The following SLC35F1 variants were observed in gnomAD, a reference collection of about 807,000 sequenced individuals.
The protein encoded by SLC35F1 is solute carrier family 35 member F1.
Under a neutral mutation model 48.7 loss-of-function variants are expected in SLC35F1, and 14 were observed. The ratio of observed to expected loss-of-function variants is 0.29; its 90% CI spans 0.19 to 0.45. The LOEUF is 0.45. Among genes scored for constraint, SLC35F1 ranks in the 20% least tolerant of loss-of-function variants. The pLI is 1.00. For missense variants in SLC35F1, 404 were observed against 500.0 expected (o/e 0.81, Z 1.83); for synonymous variants, 190 against 202.2 (o/e 0.94, Z 0.51).
intron 1 of SLC35F1, among the ~76,000 whole-genome samples, chr6:117,935,306 C>T (rs141245328): frequency 1.4e-4 from 21 of 152,224 alleles, no homozygotes; most frequent in African/African-American, 3.6e-4. Context: ...TGAAGTTATG[C>T]TCTATAAAGT....
chr6:117,993,951 A>G (rs1376948440), intron 1 of SLC35F1, among the ~76,000 whole-genome samples: 1 of 152,182 alleles, frequency 6.6e-6, no homozygotes, highest in East Asian at 1.9e-4. Flanking sequence ...ACGGTTCTTC[A>G]GGTCAGAAGT....
intron 1 of SLC35F1, among the ~76,000 whole-genome samples, chr6:118,132,318 C>T (rs1009062660): frequency 1.3e-5 from 2 of 152,210 alleles, no homozygotes; most frequent in Non-Finnish European, 2.9e-5. Context: ...GCATGTTTGG[C>T]ACACTCGTGT....
intron 3 of SLC35F1, among the ~76,000 whole-genome samples, chr6:118,256,594 T>C (rs1019156712): frequency 6.6e-6 from 1 of 152,176 alleles, no homozygotes; most frequent in East Asian, 1.9e-4. Context: ...TTGGAGAAGT[T>C]TTTTAAAAAT....
chr6:118,098,430 C>T (rs775200116), intron 1 of SLC35F1, among the ~76,000 whole-genome samples: 13 of 151,776 alleles, frequency 8.6e-5, no homozygotes, highest in Admixed American at 5.2e-4. Context: ...TTTTGAGACA[C>T]GTGGTACTTA....
At chr6:118,011,058 A>G (rs531355607) in intron 1 of SLC35F1, among the ~76,000 whole-genome samples, 46 of 152,266 alleles carry the variant, frequency 3.0e-4, no homozygotes, top group African/African-American at 1.1e-3. Context: ...AAAACATCCA[A>G]TAGTACAGTG....
chr6:118,281,123 G>A (rs974500067), intron 6 of SLC35F1, among the ~76,000 whole-genome samples: 5 of 148,174 alleles, frequency 3.4e-5, no homozygotes, highest in African/African-American at 1.0e-4. Context: ...AGAAAAAGAC[G>A]AAATCAAATA....
At chr6:118,112,276 G>T (rs1479657361) in intron 1 of SLC35F1, among the ~76,000 whole-genome samples, 2 of 151,966 alleles carry the variant, frequency 1.3e-5, no homozygotes, top group African/African-American at 4.8e-5. Flanking sequence ...TGAGAACAAA[G>T]GCATTTCTAA....
chr6:117,939,287 A>G lies in SLC35F1; in HGVS notation c.173+31388A>G, dbSNP rs186966795. ...TTCCACTACCCCACCAAGGCCTTTC[A>G]ACCCTAATGAATATCAGTAGATGCA... is the stretch of plus-strand genomic sequence containing the variant. On this transcript the variant is annotated intron_variant, in intron 1 of 7. Coordinates refer to ENST00000360388, the MANE Select transcript of SLC35F1 (RefSeq NM_001029858.4). 5.3e-5 allele frequency among the ~76,000 whole-genome samples: 8 copies of G among 152,280 alleles called. No individual in the cohort carries two copies. In the East Asian group the frequency reaches 1.5e-3, roughly 29 times the overall value.
At chr6:118,082,987 G>A (rs2114324666) in intron 1 of SLC35F1, among the ~76,000 whole-genome samples, 1 of 152,280 alleles carries the variant, frequency 6.6e-6, no homozygotes, top group South Asian at 2.1e-4. Context: ...GGAGAGAAGA[G>A]TGGCTCCTCA....
intron 7 of SLC35F1, among the ~76,000 whole-genome samples, chr6:118,294,029 T>C (rs1273648305): frequency 6.6e-6 from 1 of 152,240 alleles, no homozygotes; most frequent in Non-Finnish European, 1.5e-5. Context: ...ATTTGCCTTA[T>C]GGAGCTTCAC....
intron 1 of SLC35F1, among the ~76,000 whole-genome samples, chr6:118,150,437 T>C (rs556506164): frequency 6.6e-6 from 1 of 152,314 alleles, no homozygotes; most frequent in East Asian, 1.9e-4. Context: ...AAGACTAAAA[T>C]TGTATTCTCT....
intron 2 of SLC35F1, among the ~76,000 whole-genome samples, chr6:118,162,948 G>A (rs561792874): frequency 6.6e-6 from 1 of 150,520 alleles, no homozygotes; most frequent in Non-Finnish European, 1.5e-5. Flanking sequence ...TAATGTGTAT[G>A]AATCTTTTCT....
Position 118,139,766 on chromosome 6 carries a change from T to C in SLC35F1, c.174-14679T>C, listed in dbSNP as rs146359284. Among the ~76,000 whole-genome samples, 14 of 152,318 alleles carry C rather than the reference T, an allele frequency of 9.2e-5. No homozygotes were observed. In the East Asian group the frequency reaches 2.7e-3, roughly 29 times the overall value. On this transcript the variant is annotated intron_variant, in intron 1 of 7. Transcript: ENST00000360388. ...ATGCACAAGTAGAAAGTGAAGCCAG[T>C]GTGCTCTTGGTTTACCAGTCTGCCG...
At chr6:118,226,311 A>G (rs1775217250) in intron 2 of SLC35F1, among the ~76,000 whole-genome samples, 1 of 152,236 alleles carries the variant, frequency 6.6e-6, no homozygotes, top group African/African-American at 2.4e-5. Flanking sequence ...AGATTCCTCA[A>G]AAAGCTAGAA....
At chr6:118,227,566 T>A (rs1437301005) in intron 2 of SLC35F1, among the ~76,000 whole-genome samples, 1 of 152,198 alleles carries the variant, frequency 6.6e-6, no homozygotes, top group African/African-American at 2.4e-5. Flanking sequence ...ACCAGAACCT[T>A]ATGCAATGAT....
intron 7 of SLC35F1, among the ~76,000 whole-genome samples, chr6:118,291,320 A>C (rs998714403): frequency 6.8e-6 from 1 of 146,444 alleles, no homozygotes; most frequent in African/African-American, 2.6e-5. Flanking sequence ...GTGTGTATAT[A>C]TATATCTTTG....
chr6:118,061,586 G>GTATATATATATATA lies in SLC35F1; in HGVS notation c.174-92858_174-92857insATATATATATATAT, dbSNP rs780630752. On this transcript the variant is annotated intron_variant, in intron 1 of 7. Coordinates refer to ENST00000360388, the MANE Select transcript of SLC35F1 (RefSeq NM_001029858.4). Reference sequence around the variant, plus strand: ...TATATATACATTTGTGTGTGTGTGTGTGTGTATATATATATATATGTTTGG... The same window carrying GTATATATATATATA: ...TATATATACATTTGTGTGTGTGTGTGTATATATATATATATGTGTATATATATATATATGTTTGG... Among the ~76,000 whole-genome samples the GTATATATATATATA allele has an allele frequency of 2.8e-3, 413 of 145,366 alleles. 1 individual carries two copies. The highest frequency in any genetic ancestry group is 8.0e-3 in the African/African-American group (312 of 39,034).
chr6:117,974,162 G>A (rs1323750116), intron 1 of SLC35F1, among the ~76,000 whole-genome samples: 5 of 152,130 alleles, frequency 3.3e-5, no homozygotes, highest in African/African-American at 1.2e-4. Context: ...AATACATAGG[G>A]TTCTTGTTAG....
intron 3 of SLC35F1, among the ~76,000 whole-genome samples, chr6:118,236,532 A>C (rs909455925): frequency 6.6e-6 from 1 of 152,252 alleles, no homozygotes; most frequent in Non-Finnish European, 1.5e-5. Context: ...GCAGCAAAGC[A>C]CTTGAAAAAA....
Sources: gnomAD v4.1 joint callset for allele counts (sites outside exome capture counted in the v4.1 genomes callset) on GRCh38, gnomAD v4.1.1 for gene constraint, MANE v1.5 for transcripts, NCBI Gene and HGNC (gene_info 2026-07-23, HGNC 2026-07-21) for gene names.